SCAPER: variants seen among roughly 807,000 people sequenced by gnomAD.
The protein encoded by SCAPER is S-phase cyclin A associated protein in the ER.
Under a neutral mutation model 182.2 loss-of-function variants are expected in SCAPER, and 98 were observed. The ratio of observed to expected loss-of-function variants is 0.54; its 90% CI spans 0.46 to 0.64. The LOEUF is 0.64. Ranked by LOEUF, SCAPER falls within the 30% of genes least tolerant of loss-of-function variation. The pLI, the probability that SCAPER is intolerant of heterozygous loss-of-function variation, is 0.00. For missense variants in SCAPER, 1,432 were observed against 1,690.0 expected (o/e 0.85, Z 2.68); for synonymous variants, 605 against 564.6 (o/e 1.07, Z -1.01).
At chr15:76,544,498 T>G (rs570070259) in intron 23 of SCAPER, among the ~76,000 whole-genome samples, 1 of 152,150 alleles carries the variant, frequency 6.6e-6, no homozygotes, top group Admixed American at 6.5e-5. Context: ...AGTAACAGAA[T>G]GCGGATACAA....
chr15:76,700,854 A>G (rs2058903541), intron 20 of SCAPER, among the ~76,000 whole-genome samples: 1 of 152,234 alleles, frequency 6.6e-6, no homozygotes, highest in Non-Finnish European at 1.5e-5. Flanking sequence ...GCAGAAAAGA[A>G]TACATACTGT....
At chr15:76,788,815 A>G (rs1012517073) in intron 8 of SCAPER, among the ~76,000 whole-genome samples, 1 of 152,158 alleles carries the variant, frequency 6.6e-6, no homozygotes, top group African/African-American at 2.4e-5. Context: ...TCCAGCTTCA[A>G]CAATTATCAA....
chr15:76,742,448 G>A (rs1261289017), intron 15 of SCAPER, among the ~76,000 whole-genome samples: 1 of 18,996 alleles, frequency 5.3e-5, no homozygotes, highest in East Asian at 1.7e-3. Flanking sequence ...CAAGGAATAA[G>A]AAACAGGTGT....
chr15:76,895,564 A>G lies in SCAPER; in HGVS notation c.-60+9735T>C, dbSNP rs571516570. ...TAAAAGTACTCAAGTTAGGAAAAAA[A>G]GAAGTGAAATTGTCTGTTTGCAGAT... On this transcript the variant is annotated intron_variant, in intron 1 of 31. Coordinates refer to ENST00000563290, the MANE Select transcript of SCAPER (RefSeq NM_020843.4). Among the ~76,000 whole-genome samples, 6 of 152,278 alleles carry G rather than the reference A, an allele frequency of 3.9e-5. 1 individual carries two copies. Among genetic ancestry groups the G allele is most frequent in the African/African-American group, 1.4e-4 (6 of 41,580 alleles).
At chr15:76,639,578 CACT>C (rs1240799660) in intron 21 of SCAPER, among the ~76,000 whole-genome samples, 3 of 152,110 alleles carry the variant, frequency 2.0e-5, no homozygotes, top group Non-Finnish European at 2.9e-5. Context: ...GATTGATTTA[CACT>C]ACTATTTACA....
At chr15:76,509,494 C>A (rs957134621) in intron 23 of SCAPER, among the ~76,000 whole-genome samples, 1 of 152,100 alleles carries the variant, frequency 6.6e-6, no homozygotes, top group Non-Finnish European at 1.5e-5. Context: ...CAAACTCTAT[C>A]GAATAAAAGC....
chr15:76,832,083 T>A (rs1410846831), intron 5 of SCAPER, among the ~76,000 whole-genome samples: 1 of 152,154 alleles, frequency 6.6e-6, no homozygotes, highest in Non-Finnish European at 1.5e-5. Context: ...AACCAGAGTA[T>A]CTTCTTATCT....
At chr15:76,897,272 A>G (rs1219898556) in intron 1 of SCAPER, among the ~76,000 whole-genome samples, 5 of 152,198 alleles carry the variant, frequency 3.3e-5, no homozygotes, top group Non-Finnish European at 7.3e-5. Context: ...TGCAATTACA[A>G]CTTCAAAAAC....
chr15:76,623,232 G>C (rs2052262019), intron 21 of SCAPER, among the ~76,000 whole-genome samples: 1 of 152,098 alleles, frequency 6.6e-6, no homozygotes, highest in Non-Finnish European at 1.5e-5. Context: ...TTCTTTTGCT[G>C]AGCAGAAGCT....
At chr15:76,860,861 A>T (rs1162600117) in intron 3 of SCAPER, among the ~76,000 whole-genome samples, 1 of 152,158 alleles carries the variant, frequency 6.6e-6, no homozygotes, top group African/African-American at 2.4e-5. Flanking sequence ...TTGTGTAAAG[A>T]TGTTCTCAAA....
intron 23 of SCAPER, among the ~76,000 whole-genome samples, chr15:76,572,284 A>G (rs2047485661): frequency 6.6e-6 from 1 of 152,258 alleles, no homozygotes. Flanking sequence ...CTTTTAATTC[A>G]AAGTACTCTA....
intron 24 of SCAPER, among the ~76,000 whole-genome samples, chr15:76,499,060 T>G (rs1052529073): frequency 2.0e-5 from 3 of 152,230 alleles, no homozygotes; most frequent in Non-Finnish European, 4.4e-5. Flanking sequence ...TGATGTGCTC[T>G]TATTCTAAAA....
At chr15:76,900,849 TC>T (rs1312689224) in intron 1 of SCAPER, among the ~76,000 whole-genome samples, 9 of 152,338 alleles carry the variant, frequency 5.9e-5, no homozygotes, top group Admixed American at 1.3e-4. Context: ...CTATGAATTA[TC>T]CACATATTGG....
chr15:76,384,736 T>C (rs948794236), intron 27 of SCAPER, among the ~76,000 whole-genome samples: 1 of 152,186 alleles, frequency 6.6e-6, no homozygotes, highest in African/African-American at 2.4e-5. Flanking sequence ...GGTTTGACTG[T>C]CCCATTTGGC....
intron 8 of SCAPER, among the ~76,000 whole-genome samples, chr15:76,791,918 T>C (rs1051417025): frequency 2.0e-5 from 3 of 151,294 alleles, no homozygotes; most frequent in South Asian, 4.2e-4. Context: ...CAAAGGGAGA[T>C]GGAGAACAAA....
intron 29 of SCAPER, among the ~76,000 whole-genome samples, chr15:76,375,458 C>T (rs1030636387): frequency 1.3e-5 from 2 of 151,892 alleles, no homozygotes; most frequent in Non-Finnish European, 2.9e-5. Flanking sequence ...GAGCACCAGA[C>T]TCTAATACTA....
At chr15:76,434,393 CAT>C in intron 25 of SCAPER, 83 bp from the exon 26 acceptor site, 2 of 978,692 alleles carry the variant, frequency 2.0e-6, no homozygotes, top group Admixed American at 2.6e-5. Context: ...TTTCTGGAAT[CAT>C]AAGTAATTTT....
chr15:76,368,736 TC>T (rs2041965566), intron 29 of SCAPER, among the ~76,000 whole-genome samples: 1 of 152,162 alleles, frequency 6.6e-6, no homozygotes, highest in African/African-American at 2.4e-5. Flanking sequence ...ATGGGGCCTT[TC>T]CAAATGAAAA....
At chr15:76,876,983 C>T (rs1010612392) in intron 2 of SCAPER, among the ~76,000 whole-genome samples, 4 of 152,100 alleles carry the variant, frequency 2.6e-5, no homozygotes, top group Non-Finnish European at 5.9e-5. Context: ...CAACTGTAAT[C>T]CCAACACTCT....
Sources: allele counts gnomAD v4.1 joint callset (sites outside exome capture counted in the v4.1 genomes callset), GRCh38; gene constraint gnomAD v4.1.1; transcripts MANE v1.5; gene names NCBI Gene and HGNC (gene_info 2026-07-23, HGNC 2026-07-21).